Variants in DLEU7 observed in about 807,000 individuals in gnomAD.
DLEU7 encodes the protein leukemia-associated protein 7.
DLEU7 carries 17 observed loss-of-function variants against 16.0 expected under a neutral mutation model. The ratio of observed to expected loss-of-function variants is 1.06; its 90% CI spans 0.73 to 1.59. The LOEUF is 1.59. Among genes scored for constraint, DLEU7 ranks in the 40% most tolerant of loss-of-function variants. The probability of loss-of-function intolerance (pLI) is 0.00; values close to 1 mark genes in which losing one functional copy is unlikely to be tolerated. For synonymous variants in DLEU7, 113 were observed against 139.8 expected, an observed-to-expected ratio of 0.81 and a Z score of 1.35; for missense variants, 308 against 314.9, an observed-to-expected ratio of 0.98 and a Z score of 0.17.
intron 1 of DLEU7, among the ~76,000 whole-genome samples, chr13:50,794,151 C>T (rs1419963840): frequency 6.6e-6 from 1 of 152,130 alleles, no homozygotes; most frequent in Non-Finnish European, 1.5e-5. Context: ...ATTGTTTACA[C>T]TTTGACTTTC....
intron 1 of DLEU7, among the ~76,000 whole-genome samples, chr13:50,801,525 T>C (rs376834987): frequency 6.6e-6 from 1 of 152,114 alleles, no homozygotes; most frequent in South Asian, 2.1e-4. Flanking sequence ...TGACCTCCAC[T>C]GGTTGGCATG....
intron 1 of DLEU7, among the ~76,000 whole-genome samples, chr13:50,745,600 C>T (rs1874371584): frequency 6.6e-6 from 1 of 152,098 alleles, no homozygotes; most frequent in African/African-American, 2.4e-5. Context: ...TGTGGTTGTT[C>T]TTCCTATAAT....
At chr13:50,773,232 A>G (rs535403802) in intron 1 of DLEU7, among the ~76,000 whole-genome samples, 46 of 152,032 alleles carry the variant, frequency 3.0e-4, no homozygotes, top group African/African-American at 1.1e-3. Flanking sequence ...TAGCTTGGAG[A>G]AGTTTGTTAT....
chr13:50,763,990 A>G (rs1194076541), intron 1 of DLEU7, among the ~76,000 whole-genome samples: 1 of 152,232 alleles, frequency 6.6e-6, no homozygotes, highest in Non-Finnish European at 1.5e-5. Context: ...ACAATATTAA[A>G]GAAGAGACAG....
intron 1 of DLEU7, among the ~76,000 whole-genome samples, chr13:50,830,271 A>C (rs964219187): frequency 6.6e-6 from 1 of 152,226 alleles, no homozygotes; most frequent in Non-Finnish European, 1.5e-5. Flanking sequence ...CAACTGATCT[A>C]TTGGGGTAAT....
At chr13:50,783,396 C>T (rs1055717747) in intron 1 of DLEU7, among the ~76,000 whole-genome samples, 19 of 152,180 alleles carry the variant, frequency 1.2e-4, no homozygotes, top group South Asian at 4.1e-4. Flanking sequence ...TTTCAGGTTA[C>T]GTCATCTTAC....
exon 2 of DLEU7, chr13:50,712,449 T>C (rs1873319519): frequency 1.3e-5 from 2 of 152,440 alleles, no homozygotes; most frequent in African/African-American, 4.8e-5. Flanking sequence ...TCTTTCTCGG[T>C]TCCTTTCCCT....
intron 1 of DLEU7, among the ~76,000 whole-genome samples, chr13:50,725,106 C>G (rs1873731496): frequency 6.6e-6 from 1 of 152,108 alleles, no homozygotes; most frequent in African/African-American, 2.4e-5. Context: ...CTCCCCCGTT[C>G]ACAATGTCCT....
chr13:50,816,846 G>A (rs945454712), intron 1 of DLEU7, among the ~76,000 whole-genome samples: 8 of 151,958 alleles, frequency 5.3e-5, no homozygotes, highest in Non-Finnish European at 1.2e-4. Flanking sequence ...ACAGCATCAG[G>A]CTTAGTGTAC....
chr13:50,763,018 G>A (rs1353764356), intron 1 of DLEU7, among the ~76,000 whole-genome samples: 1 of 152,068 alleles, frequency 6.6e-6, no homozygotes, highest in Non-Finnish European at 1.5e-5. Context: ...GGTCTGCTTG[G>A]GTCTTTAGGA....
intron 1 of DLEU7, among the ~76,000 whole-genome samples, chr13:50,836,508 A>G (rs967299553): frequency 2.0e-5 from 3 of 152,100 alleles, no homozygotes; most frequent in Non-Finnish European, 4.4e-5. Context: ...CCCTGTCTCT[A>G]CTATAAATAC....
intron 1 of DLEU7, among the ~76,000 whole-genome samples, chr13:50,780,479 C>T (rs1875621685): frequency 6.6e-6 from 1 of 152,176 alleles, no homozygotes; most frequent in Admixed American, 6.5e-5. Flanking sequence ...TAATTTGCAA[C>T]ACATTATCAT....
intron 1 of DLEU7, among the ~76,000 whole-genome samples, chr13:50,729,986 GTATGT>G (rs1593531171): frequency 6.6e-6 from 1 of 151,850 alleles, no homozygotes. Flanking sequence ...CACATATTTA[GTATGT>G]TATATGTGTT....
chr13:50,731,795 TC>T (rs1361216149), intron 1 of DLEU7, among the ~76,000 whole-genome samples: 1 of 152,174 alleles, frequency 6.6e-6, no homozygotes, highest in East Asian at 1.9e-4. Flanking sequence ...TGAATACAAG[TC>T]CCTCCCAATT....
At chr13:50,798,362 G>A (rs1876156404) in intron 1 of DLEU7, among the ~76,000 whole-genome samples, 1 of 152,172 alleles carries the variant, frequency 6.6e-6, no homozygotes, top group Non-Finnish European at 1.5e-5. Context: ...AATATTTTTG[G>A]TTATTTACTT....
At chr13:50,716,974 CG>C in intron 1 of DLEU7, among the ~76,000 whole-genome samples, 1 of 151,996 alleles carries the variant, frequency 6.6e-6, no homozygotes, top group South Asian at 2.1e-4. Context: ...ATACACATGA[CG>C]CATTTAATTT....
At chr13:50,732,508 G>A (rs1041854138) in intron 1 of DLEU7, among the ~76,000 whole-genome samples, 1 of 148,382 alleles carries the variant, frequency 6.7e-6, no homozygotes, top group Non-Finnish European at 1.5e-5. Flanking sequence ...TACTCAGGTC[G>A]AGGCAGGAGA....
In DLEU7 at chr13:50,843,177, G is replaced by T; in HGVS notation, c.459+11C>A. ...CTGCACGCCAGAGGGGATGGCGGGG[G>T]CCAGACTCACCTTCAGGTGAATGGG... On this transcript the variant is annotated intron_variant, in intron 1 of 1. Transcript: ENST00000504404. The surrounding 1 kb of genome is among the most constrained non-coding windows in gnomAD (Gnocchi z 5.7). 2 of 1,587,632 alleles carry T rather than the reference G, an allele frequency of 1.3e-6. No individual in the cohort carries two copies. The highest frequency in any genetic ancestry group is 2.4e-5 in the East Asian group (1 of 41,562).
intron 1 of DLEU7, among the ~76,000 whole-genome samples, chr13:50,769,094 T>C (rs1485222984): frequency 6.6e-6 from 1 of 152,248 alleles, no homozygotes; most frequent in Non-Finnish European, 1.5e-5. Context: ...TTTTGAGAAG[T>C]GTCTGTTCAT....
Sources: allele counts gnomAD v4.1 joint callset (sites outside exome capture counted in the v4.1 genomes callset), GRCh38; gene constraint gnomAD v4.1.1; non-coding constraint Gnocchi (gnomAD v3.1); transcripts MANE v1.5; gene names NCBI Gene and HGNC (gene_info 2026-07-23, HGNC 2026-07-21).